NANOS3: variants seen among roughly 807,000 people sequenced by gnomAD.
The protein encoded by NANOS3 is nanos C2HC-type zinc finger 3, also known as nanos homolog 3.
A neutral mutation model predicts 13.8 loss-of-function variants in NANOS3; 11 were observed. The observed-to-expected ratio is 0.80, with a 90% CI of 0.50 to 1.32. The LOEUF is 1.32. Ranked by LOEUF, NANOS3 falls within the 40% of genes most tolerant of loss-of-function variation. NANOS3 has a pLI of 0.00. For missense variants in NANOS3, 221 were observed against 263.8 expected, an observed-to-expected ratio of 0.84 and a Z score of 1.12; for synonymous variants, 119 against 115.4, an observed-to-expected ratio of 1.03 and a Z score of -0.20.
In NANOS3 at chr19:13,880,602, G is replaced by C. The variant is rs1056220479; in HGVS notation, c.*99G>C. 1 of 1,023,148 alleles carries C rather than the reference G, an allele frequency of 9.8e-7. No individual in the cohort carries two copies. The highest frequency in any genetic ancestry group is 1.6e-5 in the African/African-American group (1 of 63,414). 63.4% of individuals were successfully genotyped at this position (1,023,148 alleles called of 1,614,324 possible). ...CCCCCACTCCCAGACCCTCCCCCCA[G>C]CCTGGGATTGAGCCCTGGGGATGAC... is the stretch of plus-strand genomic sequence containing the variant. On this transcript the variant is annotated 3_prime_UTR_variant, in exon 2 of 2. Coordinates refer to ENST00000339133, the MANE Select transcript of NANOS3 (RefSeq NM_001098622.3).
upstream of NANOS3, among the ~76,000 whole-genome samples, chr19:13,874,224 C>A (rs1158467625): frequency 6.6e-6 from 1 of 152,168 alleles, no homozygotes; most frequent in African/African-American, 2.4e-5. Flanking sequence ...GATTCCTAAA[C>A]CATCGTGCCC....
intron 1 of NANOS3, among the ~76,000 whole-genome samples, chr19:13,879,175 G>A (rs958111863): frequency 2.6e-5 from 4 of 151,880 alleles, no homozygotes; most frequent in Admixed American, 6.6e-5. Context: ...TCCTGACCTC[G>A]AGATCCACCC....
chr19:13,873,628 C>G (rs2145073819), upstream of NANOS3, among the ~76,000 whole-genome samples: 1 of 152,216 alleles, frequency 6.6e-6, no homozygotes, highest in South Asian at 2.1e-4. Flanking sequence ...AGGCTCACTA[C>G]ACCACACCCA....
In NANOS3 at chr19:13,877,269, G is replaced by A. The variant is rs1222615238; in HGVS notation, c.21G>A (p.Trp7Ter). 6.2e-7 allele frequency: 1 copy of A among 1,611,964 alleles called. No individual in the cohort carries two copies. The highest frequency in any genetic ancestry group is 1.1e-5 in the South Asian group (1 of 91,038). The change falls in exon 1 of 2, where the codon TGG becomes TGA. Residue 7 changes from tryptophan to a stop codon, truncating the protein, a stop_gained. Coordinates refer to ENST00000339133, the MANE Select transcript of NANOS3 (RefSeq NM_001098622.3). LOFTEE classifies it high-confidence loss of function. ...CAGCTATGGGGACCTTTGACCTGTG[G>A]ACAGATTACCTGGGTTTGGCACACC... MGTFDL[W>*]TDYLGLAHLV...
At chr19:13,877,790 G>T (rs772765754) in intron 1 of NANOS3, 25 bp downstream of exon 1, 1 of 1,532,398 alleles carries the variant, frequency 6.5e-7, no homozygotes, top group African/African-American at 1.4e-5. Flanking sequence ...GGCTGGGGGG[G>T]ACCTGTCCGA....
At chr19:13,879,234 T>C (rs1207978636) in intron 1 of NANOS3, among the ~76,000 whole-genome samples, 1 of 152,050 alleles carries the variant, frequency 6.6e-6, no homozygotes, top group Non-Finnish European at 1.5e-5. Context: ...CCACCATGCC[T>C]GGCCCCCAGT....
At chr19:13,870,985 G>A (rs774283593) in intron 1 of NANOS3, among the ~76,000 whole-genome samples, 5 of 151,916 alleles carry the variant, frequency 3.3e-5, no homozygotes, top group Non-Finnish European at 5.9e-5. Context: ...GGGGTCCCAG[G>A]AACTAAGGAT....
At chr19:13,867,720 CACAT>C (rs1400832658) in intron 1 of NANOS3, among the ~76,000 whole-genome samples, 4 of 152,080 alleles carry the variant, frequency 2.6e-5, no homozygotes, top group Admixed American at 2.6e-4. Flanking sequence ...GATATACACA[CACAT>C]ACAGACCACC....
At chr19:13,867,530 G>A (rs529236294) in intron 1 of NANOS3, among the ~76,000 whole-genome samples, 6 of 151,990 alleles carry the variant, frequency 3.9e-5, no homozygotes, top group South Asian at 2.1e-4. Context: ...TTCCCAGAGC[G>A]CCGAGCCACC....
intron 1 of NANOS3, among the ~76,000 whole-genome samples, chr19:13,868,558 A>G (rs1316781356): frequency 6.6e-6 from 1 of 151,720 alleles, no homozygotes; most frequent in African/African-American, 2.4e-5. Context: ...GTGTGCGCCT[A>G]TAGTCTCAGG....
At position 13,877,202 on chromosome 19, in the gene NANOS3, G is replaced by A. The variant is rs530369278; in HGVS notation, c.-47G>A. The A allele has an allele frequency of 7.2e-6, 11 of 1,519,878 alleles. No individual in the cohort carries two copies. In the African/African-American group the frequency reaches 1.4e-4, roughly 19 times the overall value. 94.1% of individuals were successfully genotyped at this position (1,519,878 alleles called of 1,614,324 possible). A position where few individuals can be genotyped will look rare whatever the true frequency, so the allele number is the denominator to read the frequency against. ...AAGGAGGGAGCTTAAGCCAGGCAGG[G>A]TTACTTGTCTCTGTGACTCCTTCCG... On this transcript the variant is annotated 5_prime_UTR_variant, in exon 1 of 2. Transcript: ENST00000339133.
At chr19:13,862,509 A>G (rs903426059), upstream of NANOS3, among the ~76,000 whole-genome samples, 16 of 151,380 alleles carry the variant, frequency 1.1e-4, no homozygotes, top group African/African-American at 3.9e-4. Flanking sequence ...GGCCTCGCAC[A>G]GAAAGAATTC....
intron 1 of NANOS3, among the ~76,000 whole-genome samples, chr19:13,871,503 C>T (rs1179131123): frequency 6.6e-6 from 1 of 152,230 alleles, no homozygotes; most frequent in African/African-American, 2.4e-5. Flanking sequence ...GACCAGACCC[C>T]TCTTCCACTG....
chr19:13,875,645 C>T (rs1043330707), upstream of NANOS3, among the ~76,000 whole-genome samples: 15 of 151,774 alleles, frequency 9.9e-5, no homozygotes, highest in African/African-American at 2.2e-4. Context: ...TGGAGTCAAG[C>T]GTTGATCCTC....
intron 1 of NANOS3, 55 bp downstream of exon 1, chr19:13,877,820 C>T (rs1968550830): frequency 1.3e-6 from 2 of 1,503,494 alleles, no homozygotes; most frequent in Admixed American, 2.1e-5. Context: ...CTGAGCCCCC[C>T]TGTGAAGTAA....
chr19:13,866,551 TGTAGAC>T (rs1438618008), intron 1 of NANOS3, among the ~76,000 whole-genome samples: 2 of 152,146 alleles, frequency 1.3e-5, no homozygotes, highest in African/African-American at 4.8e-5. Context: ...CTGCCACGTG[TGTAGAC>T]ACGTCACCCA....
chr19:13,876,311 T>C (rs968819693), upstream of NANOS3, among the ~76,000 whole-genome samples: 1 of 68,328 alleles, frequency 1.5e-5, no homozygotes. Context: ...GCTAATTTTG[T>C]GTGTGTGTGT....
chr19:13,876,677 G>C (rs1443418982), upstream of NANOS3, among the ~76,000 whole-genome samples: 1 of 144,898 alleles, frequency 6.9e-6, no homozygotes, highest in Non-Finnish European at 1.5e-5. Flanking sequence ...TGGAGCATCA[G>C]CAACCTCCCG....
At chr19:13,865,669 G>A (rs1329461559) in intron 1 of NANOS3, among the ~76,000 whole-genome samples, 1 of 151,154 alleles carries the variant, frequency 6.6e-6, no homozygotes, top group Non-Finnish European at 1.5e-5. Flanking sequence ...CCGGAGAGGG[G>A]GCGCCGGGAG....
Sources: gnomAD v4.1 joint callset for allele counts (sites outside exome capture counted in the v4.1 genomes callset) on GRCh38, gnomAD v4.1.1 for gene constraint, MANE v1.5 for transcripts, NCBI Gene and HGNC (gene_info 2026-07-23, HGNC 2026-07-21) for gene names.